TNRC18: variants seen among roughly 807,000 people sequenced by gnomAD.
TNRC18 encodes the protein trinucleotide repeat-containing gene 18 protein.
In TNRC18, 69 loss-of-function variants were observed where a neutral mutation model predicts 226.7. That is an observed-to-expected ratio of 0.30 (90% CI 0.25 to 0.37). TNRC18 has a LOEUF of 0.37. Ranked by LOEUF, TNRC18 falls within the 10% of genes least tolerant of loss-of-function variation. The pLI is 1.00. For missense variants in TNRC18, 4,754 were observed against 4,256.6 expected, an observed-to-expected ratio of 1.12 and a Z score of -3.25; for synonymous variants, 2,449 against 1,927.6, an observed-to-expected ratio of 1.27 and a Z score of -7.09.
intron 11 of TNRC18, among the ~76,000 whole-genome samples, chr7:5,366,240 C>T (rs1240104941): frequency 6.8e-6 from 1 of 147,606 alleles, no homozygotes; most frequent in East Asian, 2.0e-4. Flanking sequence ...CTGTGACAAC[C>T]AAAAATGTGG....
At chr7:5,414,872 A>G (rs1782076198) in intron 2 of TNRC18, among the ~76,000 whole-genome samples, 1 of 152,102 alleles carries the variant, frequency 6.6e-6, no homozygotes, top group African/African-American at 2.4e-5. Flanking sequence ...CTTTGTAGCA[A>G]TTTCTTCCCT....
In TNRC18 at chr7:5,351,811, C is replaced by A; in HGVS notation, c.5470+8G>T. On this transcript the variant is annotated splice_region_variant and intron_variant, in intron 17 of 29. Transcript: ENST00000430969. The stretch of plus-strand genomic sequence containing the variant: ...CACGGAAGGTATTTTGTGTTTGGAG[C>A]TAGTAACCTTGGTCAAACGATTCCT... The A allele has an allele frequency of 6.4e-7, 1 of 1,572,886 alleles. No homozygotes were observed. The highest frequency in any genetic ancestry group is 1.7e-4 in the Middle Eastern group (1 of 5,848).
chr7:5,377,809 ACCATAGCATCCATGGTCGAGGGG>A lies in TNRC18; in HGVS notation c.2255+90_2255+112del. The A allele has an allele frequency of 1.8e-6, 2 of 1,117,688 alleles. No homozygotes were observed. The highest frequency in any genetic ancestry group is 2.9e-5 in the South Asian group (2 of 69,496). The allele number at this position is 1,117,688 out of a possible 1,614,324, so 69.2% of individuals were successfully genotyped here. On this transcript the variant is annotated intron_variant, in intron 6 of 29. Transcript: ENST00000430969. This position sits in a 1 kb window ranked among gnomAD's most constrained non-coding sequence, Gnocchi z 5.8. ...GACCAGAGTGACTCCCGCTCTCAGTACCATAGCATCCATGGTCGAGGGGCCAAGCCCACCTGGGGTCATCCAGC... is the reference window on the plus strand; with the variant it reads ...GACCAGAGTGACTCCCGCTCTCAGTACCAAGCCCACCTGGGGTCATCCAGC...
chr7:5,360,470 T>C (rs1174456849), intron 14 of TNRC18, among the ~76,000 whole-genome samples: 1 of 152,144 alleles, frequency 6.6e-6, no homozygotes, highest in Non-Finnish European at 1.5e-5. Context: ...CCTCAAGTGA[T>C]CCGCCTGCCT....
intron 11 of TNRC18, among the ~76,000 whole-genome samples, chr7:5,367,757 C>CA (rs34348992): frequency 0.016 from 2,147 of 131,252 alleles, 51 homozygotes; most frequent in Admixed American, 0.076. Flanking sequence ...TTCTTCTACC[C>CA]AAAAAAAAAA....
rs763237287 is a variant in TNRC18 at position 5,388,152 on chromosome 7, G to A, written c.1672C>T (p.Leu558=). ...KKAYLDPGAV[L]PRSAATCGRP... is the part of the protein sequence containing the mutation. Reference sequence around the variant, plus strand: ...CCGCAGGTGGCCGCCGAGCGGGGCAGCACAGCCCCAGGGTCCAGGTAGGCC... The same window carrying A: ...CCGCAGGTGGCCGCCGAGCGGGGCAACACAGCCCCAGGGTCCAGGTAGGCC... Residue 558 remains leucine (L), a synonymous_variant, in exon 5 of 30, where the codon CTG becomes TTG. Coordinates refer to ENST00000430969, the MANE Select transcript of TNRC18 (RefSeq NM_001080495.3). The A allele has an allele frequency of 4.5e-6, 7 of 1,567,654 alleles. No homozygotes were observed. The highest frequency in any genetic ancestry group is 2.3e-5 in the South Asian group (2 of 85,890).
At position 5,374,363 on chromosome 7, in the gene TNRC18, T is replaced by A; in HGVS notation, c.2921A>T (p.Lys974Met). 1.4e-6 allele frequency: 2 copies of A among 1,466,306 alleles called. No individual in the cohort carries two copies. The highest frequency in any genetic ancestry group is 1.8e-6 in the Non-Finnish European group (2 of 1,114,542). 90.8% of individuals were successfully genotyped at this position (1,466,306 alleles called of 1,614,324 possible). A position where few individuals can be genotyped will look rare whatever the true frequency, so the allele number is the denominator to read the frequency against. ...GGGGCCGGCGGCCAGGCCAGGGGGCTTCCGCGGCAGCAGCCCGGGGCCGGC... is the reference window on the plus strand; with the variant it reads ...GGGGCCGGCGGCCAGGCCAGGGGGCATCCGCGGCAGCAGCCCGGGGCCGGC... ...ATAGPGLLPR[K>M]PPGLAAGPAG... Residue 974 changes from lysine (K) to methionine (M), a missense_variant, in exon 10 of 30, where the codon AAG becomes ATG. By Grantham distance (95) the Lys-to-Met change is moderately conservative (BLOSUM62 -1). Transcript: ENST00000430969.
intron 18 of TNRC18, among the ~76,000 whole-genome samples, chr7:5,338,495 C>T (rs1458162587): frequency 6.6e-6 from 1 of 151,882 alleles, no homozygotes; most frequent in African/African-American, 2.4e-5. Context: ...CCTGTAATCC[C>T]AGCACTTTGG....
intron 26 of TNRC18, among the ~76,000 whole-genome samples, chr7:5,314,775 A>G (rs776532113): frequency 1.2e-4 from 18 of 151,738 alleles, no homozygotes; most frequent in African/African-American, 3.6e-4. Context: ...GTTTCACCAC[A>G]TTGGCCAGAC....
rs1780018674 is a variant in TNRC18, at chr7:5,388,693, G to A, written c.1131C>T (p.Ser377=). The change falls in exon 5 of 30, where the codon TCC becomes TCT. Residue 377 remains serine (S), a synonymous_variant. Transcript: ENST00000430969. The part of the protein sequence containing the change: ...HRVVAPTFVP[S]VEAFDERPGP... Reference sequence around the variant, plus strand: ...CCGGGCGCTCGTCGAAGGCCTCCACGGAAGGCACGAAGGTGGGCGCCACCA... The same window carrying A: ...CCGGGCGCTCGTCGAAGGCCTCCACAGAAGGCACGAAGGTGGGCGCCACCA... 4.7e-6 allele frequency: 6 copies of A among 1,266,254 alleles called. No individual in the cohort carries two copies. The highest frequency in any genetic ancestry group is 2.1e-5 in the South Asian group (1 of 47,354). 78.4% of individuals were successfully genotyped at this position (1,266,254 alleles called of 1,614,324 possible). A position where few individuals can be genotyped will look rare whatever the true frequency, so the allele number is the denominator to read the frequency against.
intron 16 of TNRC18, among the ~76,000 whole-genome samples, chr7:5,354,064 G>A (rs778930604): frequency 3.3e-5 from 5 of 152,152 alleles, no homozygotes; most frequent in Admixed American, 1.3e-4. Context: ...TTAGCTGGGT[G>A]TGGTGGTGCG....
intron 17 of TNRC18, among the ~76,000 whole-genome samples, chr7:5,349,899 G>A (rs1408369094): frequency 6.6e-6 from 1 of 152,114 alleles, no homozygotes; most frequent in Non-Finnish European, 1.5e-5. Context: ...GGTGGAGGGG[G>A]GCACTGAGGA....
intron 2 of TNRC18, among the ~76,000 whole-genome samples, chr7:5,396,933 A>G (rs1326559760): frequency 6.6e-6 from 1 of 152,202 alleles, no homozygotes; most frequent in Non-Finnish European, 1.5e-5. Context: ...ACAGGATCCC[A>G]GAATATCCAA....
At chr7:5,375,974 T>A in intron 9 of TNRC18, 60 bp downstream of exon 9, 1 of 1,476,948 alleles carries the variant, frequency 6.8e-7, no homozygotes, top group Non-Finnish European at 9.1e-7. Flanking sequence ...GGCTGACTCG[T>A]CTGCCTCGTC....
chr7:5,362,456 A>G (rs1446133713), intron 12 of TNRC18, among the ~76,000 whole-genome samples, 194 bp downstream of exon 12: 1 of 152,134 alleles, frequency 6.6e-6, no homozygotes, highest in Non-Finnish European at 1.5e-5. Context: ...GCTAGCAGAC[A>G]GGTAAACTGA....
rs1790071258 is a variant in TNRC18 at position 5,336,002 on chromosome 7, T to C, written c.5720-2953A>G. On this transcript the variant is annotated intron_variant, in intron 18 of 29. Coordinates refer to ENST00000430969, the MANE Select transcript of TNRC18 (RefSeq NM_001080495.3). ...CGGGCAGATCACTTGAGGTGAGGAGTTTGAGACCAGCCTGGCCAACATGGC... is the reference window on the plus strand; with the variant it reads ...CGGGCAGATCACTTGAGGTGAGGAGCTTGAGACCAGCCTGGCCAACATGGC... Among the ~76,000 whole-genome samples the C allele has an allele frequency of 2.0e-5, 3 of 150,854 alleles. No individual in the cohort carries two copies. In the South Asian group the frequency reaches 6.3e-4, roughly 32 times the overall value.
chr7:5,398,941 T>C (rs537826866), intron 2 of TNRC18, among the ~76,000 whole-genome samples: 74 of 152,242 alleles, frequency 4.9e-4, no homozygotes, highest in African/African-American at 1.7e-3. Context: ...TGATTTCCAA[T>C]GTTCCCAGGG....
Position 5,308,051 on chromosome 7 carries a change from G to C in TNRC18, c.*55C>G. The C allele has an allele frequency of 6.7e-7, 1 of 1,488,290 alleles. No individual in the cohort carries two copies. Among genetic ancestry groups the C allele is most frequent in the Non-Finnish European group, 9.1e-7 (1 of 1,098,292 alleles). 92.2% of individuals were successfully genotyped at this position (1,488,290 alleles called of 1,614,324 possible). On this transcript the variant is annotated 3_prime_UTR_variant, in exon 30 of 30. Transcript: ENST00000430969. ...TGGTCTCCGCGCCATGGCAGTGATG[G>C]AGATGGGTCCCTGGCCGCCCTCGGG...
intron 21 of TNRC18, among the ~76,000 whole-genome samples, chr7:5,322,696 C>T (rs965223226): frequency 6.6e-6 from 1 of 152,250 alleles, no homozygotes; most frequent in African/African-American, 2.4e-5. Context: ...CCTCTGCTCC[C>T]TCCCTCTCCC....
Sources: gnomAD v4.1 joint callset for allele counts (sites outside exome capture counted in the v4.1 genomes callset) on GRCh38, gnomAD v4.1.1 for gene constraint, Gnocchi (gnomAD v3.1) non-coding constraint, MANE v1.5 for transcripts, NCBI Gene and HGNC (gene_info 2026-07-23, HGNC 2026-07-21) for gene names.